EIF3A: variants seen among roughly 807,000 people sequenced by gnomAD.
The protein encoded by EIF3A is eukaryotic translation initiation factor 3 subunit A.
EIF3A carries 21 observed loss-of-function variants against 186.6 expected under a neutral mutation model. That is an observed-to-expected ratio of 0.11 (90% confidence interval 0.08 to 0.16). The LOEUF is 0.16. Ranked by LOEUF, EIF3A falls within the 10% of genes least tolerant of loss-of-function variation. EIF3A has a pLI of 1.00. For synonymous variants in EIF3A, 563 were observed against 584.3 expected (o/e 0.96, Z 0.52); for missense variants, 1,306 against 1,796.3 (o/e 0.73, Z 4.93).
chr10:119,058,697 A>G (rs990013825), intron 11 of EIF3A, among the ~76,000 whole-genome samples: 4 of 152,250 alleles, frequency 2.6e-5, no homozygotes, highest in African/African-American at 9.6e-5. Flanking sequence ...AGCATGGCCA[A>G]CATGGTGAAA....
At chr10:119,041,737 C>T (rs1848211328) in intron 19 of EIF3A, among the ~76,000 whole-genome samples, 1 of 152,130 alleles carries the variant, frequency 6.6e-6, no homozygotes, top group Non-Finnish European at 1.5e-5. Context: ...CAGGAAGAGC[C>T]TTCAAAGAAG....
At chr10:119,052,518 G>A (rs1172459630) in intron 14 of EIF3A, among the ~76,000 whole-genome samples, 1 of 151,838 alleles carries the variant, frequency 6.6e-6, no homozygotes, top group Non-Finnish European at 1.5e-5. Context: ...GGAACTGCAG[G>A]CACACTCCAC....
At chr10:119,049,683 T>C (rs1848330333) in intron 17 of EIF3A, 118 bp downstream of exon 17, 2 of 808,212 alleles carry the variant, frequency 2.5e-6, no homozygotes, top group Non-Finnish European at 2.0e-6. Context: ...ACCCGGGGGC[T>C]GAGATTGCAC....
intron 1 of EIF3A, among the ~76,000 whole-genome samples, chr10:119,074,561 T>A (rs1265547168): frequency 6.6e-6 from 1 of 151,902 alleles, no homozygotes; most frequent in East Asian, 1.9e-4. Flanking sequence ...GTGGTGTCAA[T>A]GAAACTATGC....
At position 119,080,647 on chromosome 10, in the gene EIF3A, AT is replaced by A. The variant is rs1245793397; in HGVS notation, c.29del (p.Asn10MetfsTer26). On this transcript the variant is annotated frameshift_variant, in exon 1 of 22. Transcript: ENST00000369144. LOFTEE classifies it high-confidence loss of function. ...ACTCACCGTTGGCGCGTTTGAGGGC[AT>A]TTTCCGGCCTCTGAAAATAGGCCGG... MPAYFQRPE[N>X]ALKRANEFLE... 1 of 1,596,146 alleles carries A rather than the reference AT, an allele frequency of 6.3e-7. No individual in the cohort carries two copies. Among genetic ancestry groups the A allele is most frequent in the African/African-American group, 1.4e-5 (1 of 73,730 alleles).
In EIF3A at chr10:119,080,770, G is replaced by A. The variant is rs983687416; in HGVS notation, c.-94C>T. The stretch of plus-strand genomic sequence containing the variant: ...AAGGGGAACCAGCGTAAGGTCCCAC[G>A]CGCCTCGCCAGCAGTCGCCCGCGCC... On this transcript the variant is annotated 5_prime_UTR_variant, in exon 1 of 22. Transcript: ENST00000369144. 9 of 1,481,488 alleles carry A rather than the reference G, an allele frequency of 6.1e-6. No homozygotes were observed. Among genetic ancestry groups the A allele is most frequent in the Non-Finnish European group, 8.1e-6 (9 of 1,113,026 alleles). The allele number at this position is 1,481,488 out of a possible 1,614,324, so 91.8% of individuals were successfully genotyped here. A position where few individuals can be genotyped will look rare whatever the true frequency, so the allele number is the denominator to read the frequency against.
At chr10:119,062,691 C>T (rs765964296) in intron 7 of EIF3A, among the ~76,000 whole-genome samples, 1 of 150,976 alleles carries the variant, frequency 6.6e-6, no homozygotes, top group Admixed American at 6.6e-5. Flanking sequence ...AAATGTCTTT[C>T]GCTTCTGGGA....
intron 1 of EIF3A, among the ~76,000 whole-genome samples, chr10:119,076,166 A>T (rs1241451996): frequency 6.6e-6 from 1 of 151,422 alleles, no homozygotes; most frequent in African/African-American, 2.4e-5. Context: ...CCTCGTCTCT[A>T]CTAAAAATAC....
intron 7 of EIF3A, 137 bp downstream of exon 7, chr10:119,065,262 T>C (rs1843952424): frequency 3.1e-6 from 2 of 643,286 alleles, no homozygotes; most frequent in African/African-American, 1.8e-5. Context: ...GAACAGTGAT[T>C]GACACCAGTG....
At chr10:119,074,475 A>AT (rs11410769) in intron 1 of EIF3A, among the ~76,000 whole-genome samples, 141,143 of 151,918 alleles carry the variant, frequency 0.93, 66,388 homozygotes, top group Non-Finnish European at 1. Context: ...CTCAAAAAAA[A>AT]AAAATAAAAT....
intron 16 of EIF3A, 45 bp downstream of exon 16, chr10:119,050,476 C>T: frequency 1.3e-6 from 2 of 1,582,800 alleles, no homozygotes; most frequent in Non-Finnish European, 1.7e-6. Flanking sequence ...GATCTTAACA[C>T]CAACCTTGCA....
chr10:119,073,346 T>G (rs891044888), intron 3 of EIF3A, 95 bp downstream of exon 3: 17 of 976,886 alleles, frequency 1.7e-5, no homozygotes, highest in Non-Finnish European at 2.6e-5. Context: ...CATTTTTTTC[T>G]GATAAACATC....
rs748938813 is a variant in EIF3A at position 119,038,339 on chromosome 10, C to A, written c.3627G>T (p.Arg1209Ser). 1.2e-6 allele frequency: 2 copies of A among 1,613,934 alleles called. No individual in the cohort carries two copies. The highest frequency in any genetic ancestry group is 2.7e-5 in the African/African-American group (2 of 74,862). ...CCTCCCGATCTTGATTATCTCTGTCCCTTTCTTTTTCTCTGTCCCATTCAC... is the reference window on the plus strand; with the variant it reads ...CCTCCCGATCTTGATTATCTCTGTCACTTTCTTTTTCTCTGTCCCATTCAC... ...EEREWDREKE[R>S]DRDNQDREEN... The change falls in exon 20 of 22, where the codon AGG becomes AGT. Residue 1209 changes from arginine (R) to serine (S), a missense_variant. By Grantham distance (110) the Arg-to-Ser change is moderately radical (BLOSUM62 -1). This residue lies in a region of EIF3A where 331 missense variants were observed against 365.8 expected (regional missense o/e 0.90). Transcript: ENST00000369144.
At position 119,044,558 on chromosome 10, in the gene EIF3A, ACT is replaced by A. The variant is rs371693793; in HGVS notation, c.2659-418_2659-417del. ...TTAACAGTACTTCTCTATTCAAAGT[ACT>A]CTGATGGGCCGGGCGCGGTGGCTCA... On this transcript the variant is annotated intron_variant, in intron 17 of 21. Coordinates refer to ENST00000369144, the MANE Select transcript of EIF3A (RefSeq NM_003750.4). 2.7e-3 allele frequency among the ~76,000 whole-genome samples: 415 copies of A among 152,306 alleles called. 2 individuals carry two copies. Among genetic ancestry groups the A allele is most frequent in the African/African-American group, 9.6e-3 (400 of 41,584 alleles).
At chr10:119,056,063 A>G (rs1049928445) in intron 14 of EIF3A, among the ~76,000 whole-genome samples, 1 of 152,186 alleles carries the variant, frequency 6.6e-6, no homozygotes, top group African/African-American at 2.4e-5. Flanking sequence ...AAAAGGCTGC[A>G]TTCTCCTATC....
At position 119,042,844 on chromosome 10, in the gene EIF3A, T is replaced by C. The variant is rs1848231290; in HGVS notation, c.2748-72A>G. 37 of 1,457,818 alleles carry C rather than the reference T, an allele frequency of 2.5e-5. No homozygotes were observed. The highest frequency in any genetic ancestry group is 7.1e-5 in the South Asian group (5 of 70,728). The allele number at this position is 1,457,818 out of a possible 1,614,324, so 90.3% of individuals were successfully genotyped here. A position where few individuals can be genotyped will look rare whatever the true frequency, so the allele number is the denominator to read the frequency against. On this transcript the variant is annotated intron_variant, in intron 18 of 21. Coordinates refer to ENST00000369144, the MANE Select transcript of EIF3A (RefSeq NM_003750.4). The surrounding 1 kb of genome is among the most constrained non-coding windows in gnomAD (Gnocchi z 7.8). ...TATGATCCTTTGGGGATTTTTTTTTTCACATGCTTTTTAAAAACTTCAGTA... is the reference window on the plus strand; with the variant it reads ...TATGATCCTTTGGGGATTTTTTTTTCCACATGCTTTTTAAAAACTTCAGTA...
chr10:119,037,276 C>G lies in EIF3A; in HGVS notation c.3762G>C (p.Glu1254Asp). ...DEGGWRRGPA[E>D]ESSSWRDSSR... ...TTGAGTCTCTCCAGCTTGAAGATTC[C>G]TCAGCTGGTCCTCTTCTCCAGCCAC... Residue 1254 changes from glutamate (E) to aspartate (D), a missense_variant, in exon 21 of 22, where the codon GAG becomes GAC. Coordinates refer to ENST00000369144, the MANE Select transcript of EIF3A (RefSeq NM_003750.4). The G allele has an allele frequency of 3.7e-6, 6 of 1,614,144 alleles. No homozygotes were observed. Among genetic ancestry groups the G allele is most frequent in the African/African-American group, 1.3e-5 (1 of 75,030 alleles).
chr10:119,063,893 G>T (rs1843929003), intron 7 of EIF3A, among the ~76,000 whole-genome samples: 1 of 152,214 alleles, frequency 6.6e-6, no homozygotes, highest in Non-Finnish European at 1.5e-5. Flanking sequence ...GACCAGCCTA[G>T]CCAACGTGGC....
At chr10:119,071,178 T>C in intron 4 of EIF3A, 93 bp from the exon 5 acceptor site, 1 of 901,742 alleles carries the variant, frequency 1.1e-6, no homozygotes, top group Non-Finnish European at 1.7e-6. Flanking sequence ...ATCAGTTGTT[T>C]TAACAGGATT....
Sources: gnomAD v4.1 joint callset for allele counts (sites outside exome capture counted in the v4.1 genomes callset) on GRCh38, gnomAD v4.1.1 for gene constraint, gnomAD v4.1.1 regional missense constraint, Gnocchi (gnomAD v3.1) non-coding constraint, MANE v1.5 for transcripts, NCBI Gene and HGNC (gene_info 2026-07-23, HGNC 2026-07-21) for gene names.